Variants in TBC1D2B observed in about 807,000 individuals in gnomAD.
The protein encoded by TBC1D2B is TBC1 domain family, member 2B.
In TBC1D2B, 64 loss-of-function variants were observed where a neutral mutation model predicts 100.8. That is an observed-to-expected ratio of 0.64 (90% CI 0.52 to 0.78). The LOEUF is 0.78. Among genes scored for constraint, TBC1D2B ranks in the 30% least tolerant of loss-of-function variants. TBC1D2B has a pLI of 0.00. For missense variants in TBC1D2B, 1,052 were observed against 1,218.4 expected (o/e 0.86, Z 2.03); for synonymous variants, 480 against 479.7 (o/e 1.00, Z -0.01).
At chr15:78,064,516 GT>G (rs1226190373) in intron 1 of TBC1D2B, among the ~76,000 whole-genome samples, 1 of 152,150 alleles carries the variant, frequency 6.6e-6, no homozygotes, top group Non-Finnish European at 1.5e-5. Flanking sequence ...AGGAATTTTT[GT>G]TTCTTAAACT....
At chr15:78,065,476 T>C (rs2073636820) in intron 1 of TBC1D2B, among the ~76,000 whole-genome samples, 1 of 152,148 alleles carries the variant, frequency 6.6e-6, no homozygotes, top group African/African-American at 2.4e-5. Context: ...TGCTCGTCCC[T>C]ACAGGAAATG....
rs1335535728 is a variant in TBC1D2B, at chr15:78,011,644, GGTTTTTT to G, written c.2270+1172_2270+1178del. Among the ~76,000 whole-genome samples the G allele has an allele frequency of 8.6e-5, 11 of 127,520 alleles. 1 individual carries two copies. Among genetic ancestry groups the G allele is most frequent in the African/African-American group, 9.0e-5 (3 of 33,176 alleles). 83.7% of individuals were successfully genotyped at this position (127,520 alleles called of 152,430 possible). A position where few individuals can be genotyped will look rare whatever the true frequency, so the allele number is the denominator to read the frequency against. ...TGCCACCATGCCCAGCTAATTTTTT[GGTTTTTT>G]TTTTTTTTTTTTTTTTAGACAGAGT... On this transcript the variant is annotated intron_variant, in intron 9 of 12. Transcript: ENST00000300584.
At chr15:78,057,440 G>A (rs1476553080) in intron 1 of TBC1D2B, among the ~76,000 whole-genome samples, 2 of 152,102 alleles carry the variant, frequency 1.3e-5, no homozygotes, top group Non-Finnish European at 2.9e-5. Flanking sequence ...TCAGGAGTTC[G>A]AGACCAGCCT....
Position 78,024,483 on chromosome 15 carries a change from G to A in TBC1D2B, c.1143C>T (p.Phe381=), listed in dbSNP as rs770596150. Residue 381 remains phenylalanine (F), a synonymous_variant, in exon 6 of 13, where the codon TTC becomes TTT. Coordinates refer to ENST00000300584, the MANE Select transcript of TBC1D2B (RefSeq NM_144572.2). ...TVRSSQYDKY[F]TSSRLCEGVP... The stretch of plus-strand genomic sequence containing the variant: ...CCCCCTCACAGAGCCGGCTGCTTGT[G>A]AAATACTTGTCATACTGGGATGACC... 1 of 1,613,984 alleles carries A rather than the reference G, an allele frequency of 6.2e-7. No individual in the cohort carries two copies. Among genetic ancestry groups the A allele is most frequent in the East Asian group, 2.2e-5 (1 of 44,882 alleles).
intron 1 of TBC1D2B, among the ~76,000 whole-genome samples, chr15:78,055,247 A>G (rs1327729447): frequency 6.9e-6 from 1 of 144,748 alleles, no homozygotes; most frequent in Non-Finnish European, 1.5e-5. Context: ...GGTTCTGGGT[A>G]AAGTCATGAT....
intron 10 of TBC1D2B, among the ~76,000 whole-genome samples, chr15:78,008,146 C>T (rs1022306095): frequency 3.3e-5 from 5 of 152,206 alleles, no homozygotes; most frequent in African/African-American, 1.2e-4. Context: ...TGGCAGCAGC[C>T]CCAGCCCAGC....
intron 12 of TBC1D2B, chr15:77,999,261 C>A (rs1029855613): frequency 8.8e-6 from 4 of 454,044 alleles, no homozygotes; most frequent in Non-Finnish European, 1.8e-5. Context: ...AGAAATGCCC[C>A]GAAGGACTTC....
intron 1 of TBC1D2B, among the ~76,000 whole-genome samples, chr15:78,072,297 C>A (rs1186888128): frequency 2.0e-5 from 3 of 152,156 alleles, no homozygotes; most frequent in Non-Finnish European, 4.4e-5. Context: ...GAGAGGGAGA[C>A]GGAATGCCAC....
intron 4 of TBC1D2B, 139 bp from the exon 5 acceptor site, chr15:78,025,636 C>T: frequency 1.9e-6 from 1 of 539,956 alleles, no homozygotes; most frequent in Non-Finnish European, 3.0e-6. Context: ...ATGCCATTCT[C>T]CTGCCTCAGC....
chr15:78,011,249 A>T (rs368419959), intron 9 of TBC1D2B, among the ~76,000 whole-genome samples: 4 of 152,224 alleles, frequency 2.6e-5, no homozygotes, highest in African/African-American at 9.6e-5. Context: ...GTCTTAACCA[A>T]ATAACATTCC....
intron 2 of TBC1D2B, among the ~76,000 whole-genome samples, chr15:78,052,869 G>A (rs897861615): frequency 2.0e-5 from 3 of 152,128 alleles, no homozygotes; most frequent in African/African-American, 4.8e-5. Flanking sequence ...ACAGTGACTC[G>A]ACTCTGAACG....
chr15:77,997,613 G>A lies in TBC1D2B; in HGVS notation c.*547C>T, dbSNP rs1401155650. The A allele has an allele frequency of 6.6e-6, 1 of 152,326 alleles. No individual in the cohort carries two copies. Among genetic ancestry groups the A allele is most frequent in the Non-Finnish European group, 1.5e-5 (1 of 68,092 alleles). The allele number at this position is 152,326 out of a possible 1,614,324, so 9.4% of individuals were successfully genotyped here. ...AAAGCCACTGGTGGGAGGTTCACAG[G>A]CTTTCCTACAGTGGCCATTTCTGAA... On this transcript the variant is annotated 3_prime_UTR_variant, in exon 13 of 13. Transcript: ENST00000300584.
chr15:78,069,264 C>T (rs2141843501), intron 1 of TBC1D2B, among the ~76,000 whole-genome samples: 1 of 152,216 alleles, frequency 6.6e-6, no homozygotes, highest in East Asian at 1.9e-4. Context: ...AAGTCAATGC[C>T]GGGGGCCATT....
Position 77,997,107 on chromosome 15 carries a change from A to G in TBC1D2B, c.*1053T>C. 6.5e-6 allele frequency: 1 copy of G among 152,756 alleles called. No homozygotes were observed. The allele number at this position is 152,756 out of a possible 1,614,324, so 9.5% of individuals were successfully genotyped here. The stretch of plus-strand genomic sequence containing the variant: ...CCAAGCAAAAAAGTTTCCCAGCCCC[A>G]GGCACTGGCAGCCGGCCTCCTGCAC... On this transcript the variant is annotated 3_prime_UTR_variant, in exon 13 of 13. Transcript: ENST00000300584.
intron 9 of TBC1D2B, 123 bp from the exon 10 acceptor site, chr15:78,009,237 A>G: frequency 1.5e-6 from 1 of 655,406 alleles, no homozygotes; most frequent in Non-Finnish European, 2.7e-6. Context: ...CTAGTTCTCC[A>G]ATAAAGAATA....
intron 6 of TBC1D2B, among the ~76,000 whole-genome samples, 191 bp downstream of exon 6, chr15:78,023,965 T>C (rs1186189025): frequency 6.6e-6 from 1 of 151,866 alleles, no homozygotes; most frequent in African/African-American, 2.4e-5. Context: ...ACAGCAAGAG[T>C]TTCCTTTTCC....
rs958436861 is a variant in TBC1D2B, at chr15:78,016,900, C to G, written c.1582-161G>C. ...GAAATTAATTTATGCCACAGACCAC[C>G]TTTCATGTTTAAAATGGCCTGCAGT... On this transcript the variant is annotated intron_variant, in intron 7 of 12. Transcript: ENST00000300584. 2.3e-5 allele frequency: 14 copies of G among 596,796 alleles called. No homozygotes were observed. The African/African-American group carries it at 2.5e-4, about 11-fold the overall frequency. 37.0% of individuals were successfully genotyped at this position (596,796 alleles called of 1,614,324 possible).
At chr15:78,014,986 G>A (rs754540185) in intron 8 of TBC1D2B, among the ~76,000 whole-genome samples, 5 of 152,186 alleles carry the variant, frequency 3.3e-5, no homozygotes, top group Admixed American at 6.5e-5. Flanking sequence ...CAGATCACAA[G>A]GTCAGGAGAT....
At chr15:78,016,098 G>C (rs1168546918) in intron 8 of TBC1D2B, among the ~76,000 whole-genome samples, 1 of 152,172 alleles carries the variant, frequency 6.6e-6, no homozygotes, top group African/African-American at 2.4e-5. Context: ...GGTTATGAGA[G>C]GGTTCTTAAT....
Sources: allele counts gnomAD v4.1 joint callset (sites outside exome capture counted in the v4.1 genomes callset), GRCh38; gene constraint gnomAD v4.1.1; transcripts MANE v1.5; gene names NCBI Gene and HGNC (gene_info 2026-07-23, HGNC 2026-07-21).